The following MYO7B variants were observed in gnomAD, a reference collection of about 807,000 sequenced individuals.
MYO7B encodes myosin VIIB.
A neutral mutation model predicts 259.7 loss-of-function variants in MYO7B; 212 were observed. The observed-to-expected ratio is 0.82, with a 90% confidence interval of 0.73 to 0.91. The LOEUF is 0.91. Among genes scored for constraint, MYO7B ranks in the 40% least tolerant of loss-of-function variants. MYO7B has a pLI of 0.00. For synonymous variants in MYO7B, 1,197 were observed against 1,166.4 expected (o/e 1.03, Z -0.54); for missense variants, 2,732 against 2,813.5 (o/e 0.97, Z 0.66).
At chr2:127,635,306 G>A in intron 43 of MYO7B, 80 bp downstream of exon 43, 1 of 1,360,614 alleles carries the variant, frequency 7.3e-7, no homozygotes, top group Non-Finnish European at 1.0e-6. Context: ...GAAGCCAGCA[G>A]GCCAGGGCAG....
intron 1 of MYO7B, among the ~76,000 whole-genome samples, chr2:127,538,295 C>G (rs1473337853): frequency 6.6e-6 from 1 of 152,170 alleles, no homozygotes; most frequent in Non-Finnish European, 1.5e-5. Context: ...TGCTCTAGAA[C>G]GTTCCATGAT....
At position 127,581,966 on chromosome 2, in the gene MYO7B, C is replaced by T; in HGVS notation, c.1156C>T (p.Leu386=). The change falls in exon 11 of 48, where the codon CTG becomes TTG. Residue 386 remains leucine (L), a synonymous_variant. Coordinates refer to ENST00000409816, the MANE Select transcript of MYO7B (RefSeq NM_001393586.1). ...CCGAGGGGAATTTGTCACCAGGTCC[C>T]TGAACATTGCCCAGGCTGCTGACCG... ...LIRGEFVTRS[L]NIAQAADRRD... 6.2e-7 allele frequency: 1 copy of T among 1,613,964 alleles called. No individual in the cohort carries two copies. Among genetic ancestry groups the T allele is most frequent in the South Asian group, 1.1e-5 (1 of 91,080 alleles).
intron 1 of MYO7B, among the ~76,000 whole-genome samples, chr2:127,549,164 CT>C (rs1693354148): frequency 4.6e-4 from 3 of 6,568 alleles, no homozygotes; most frequent in Non-Finnish European, 8.7e-4. Context: ...TCCTTCCTTC[CT>C]TTCTTTCTTT....
At position 127,627,201 on chromosome 2, in the gene MYO7B, A is replaced by G. The variant is rs759049462; in HGVS notation, c.4351A>G (p.Thr1451Ala). ...CTGGCCAGGCCCCCGCCTGCCCAAG[A>G]CGCAGCTGATCTTGGCTGTTAACTG... ...ITLSGPRLPKTQLILAVNWKG... is the reference protein window; with the variant it reads ...ITLSGPRLPKAQLILAVNWKG... The change falls in exon 33 of 48, where the codon ACG becomes GCG. Residue 1451 changes from threonine (T) to alanine (A), a missense_variant. Thr to Ala is a moderately conservative substitution (Grantham distance 58). Coordinates refer to ENST00000409816, the MANE Select transcript of MYO7B (RefSeq NM_001393586.1). The surrounding 1 kb of genome is among the most constrained non-coding windows in gnomAD (Gnocchi z 5.6). 1 of 1,609,978 alleles carries G rather than the reference A, an allele frequency of 6.2e-7. No homozygotes were observed. The highest frequency in any genetic ancestry group is 2.2e-5 in the East Asian group (1 of 44,790).
chr2:127,630,663 C>T, intron 35 of MYO7B, 115 bp from the exon 36 acceptor site: 1 of 1,464,532 alleles, frequency 6.8e-7, no homozygotes, highest in Admixed American at 2.1e-5. Flanking sequence ...CTGGCCTGTT[C>T]AGCCCTGGGC....
chr2:127,568,474 G>A (rs1393217330), intron 5 of MYO7B, among the ~76,000 whole-genome samples: 1 of 152,210 alleles, frequency 6.6e-6, no homozygotes, highest in Non-Finnish European at 1.5e-5. Flanking sequence ...TGATGAGCTC[G>A]TGTTTATAAA....
chr2:127,620,491 C>A, intron 27 of MYO7B, 25 bp downstream of exon 27: 4 of 395,544 alleles, frequency 1.0e-5, no homozygotes, highest in Admixed American at 2.8e-5. Flanking sequence ...GAAGGGAGGG[C>A]GGGCAGGGGG....
chr2:127,565,270 G>T lies in MYO7B; in HGVS notation c.170G>T (p.Ser57Ile). ...WIRAEDFGVLSPMHPNSVQGV... is the reference protein window; with the variant it reads ...WIRAEDFGVLIPMHPNSVQGV... ...CGAGCAGAGGACTTTGGTGTCCTCA[G>T]TCCCATGCACCCCAACTCAGTCCAG... The change falls in exon 4 of 48, where the codon AGT becomes ATT. Residue 57 changes from serine to isoleucine, a missense_variant. Ser to Ile is a moderately radical substitution (Grantham distance 142). Around this residue, in one of 3 missense-constraint regions of MYO7B, gnomAD observed 1,906 missense variants for 2,026.4 expected, o/e 0.94. Transcript: ENST00000409816. 1 of 1,614,014 alleles carries T rather than the reference G, an allele frequency of 6.2e-7. No individual in the cohort carries two copies.
intron 17 of MYO7B, 24 bp from the exon 18 acceptor site, chr2:127,593,522 G>T (rs780955121): frequency 6.2e-7 from 1 of 1,608,450 alleles, no homozygotes; most frequent in Non-Finnish European, 8.5e-7. Context: ...ACCTCCCACC[G>T]ATACCCCCGT....
intron 34 of MYO7B, among the ~76,000 whole-genome samples, chr2:127,629,209 C>T (rs1163689016): frequency 2.0e-5 from 3 of 152,216 alleles, no homozygotes; most frequent in African/African-American, 4.8e-5. Context: ...CCGAGATGTG[C>T]TGCCCTATCG....
chr2:127,609,598 C>T lies in MYO7B; in HGVS notation c.2907C>T (p.Ala969=), dbSNP rs771507051. The part of the protein sequence containing the change: ...EEPEEDVDGL[A]EYTFPKFAVT... ...CTGAGGAGGATGTGGATGGCCTGGC[C>T]GAGTACACCTTCCCCAAGTTTGCTG... The change falls in exon 23 of 48, where the codon GCC becomes GCT. Residue 969 remains alanine (A), a synonymous_variant. Coordinates refer to ENST00000409816, the MANE Select transcript of MYO7B (RefSeq NM_001393586.1). The surrounding 1 kb of genome is among the most constrained non-coding windows in gnomAD (Gnocchi z 6.9). 6.0e-5 allele frequency: 97 copies of T among 1,613,862 alleles called. No individual in the cohort carries two copies. The highest frequency in any genetic ancestry group is 3.3e-4 in the South Asian group (30 of 91,082).
chr2:127,633,120 G>A (rs2105141022), intron 39 of MYO7B, 138 bp from the exon 40 acceptor site: 2 of 657,996 alleles, frequency 3.0e-6, no homozygotes, highest in East Asian at 5.6e-5. Context: ...GGACATGCGA[G>A]GGGCTGGAAC....
At chr2:127,568,120 G>C (rs935584830) in intron 5 of MYO7B, among the ~76,000 whole-genome samples, 1 of 152,240 alleles carries the variant, frequency 6.6e-6, no homozygotes. Context: ...ACACAGCAGT[G>C]AAGTGGGAAA....
In MYO7B at chr2:127,582,025, G is replaced by C. The variant is rs768291946; in HGVS notation, c.1200+15G>C. 7 of 1,613,514 alleles carry C rather than the reference G, an allele frequency of 4.3e-6. No individual in the cohort carries two copies. Among genetic ancestry groups the C allele is most frequent in the South Asian group, 3.3e-5 (3 of 91,040 alleles). On this transcript the variant is annotated intron_variant, in intron 11 of 47. Coordinates refer to ENST00000409816, the MANE Select transcript of MYO7B (RefSeq NM_001393586.1). ...CCTTTGTCAAGGTACAGAGCTGAGA[G>C]AGCAGGGCTTACATGGCCATCTGTT...
chr2:127,626,702 T>C, intron 31 of MYO7B: 2 of 323,886 alleles, frequency 6.2e-6, no homozygotes, highest in South Asian at 7.5e-5. Flanking sequence ...TCGCTTGAAC[T>C]CGGGAGGCGG....
At chr2:127,557,876 A>G (rs1050343526) in intron 1 of MYO7B, among the ~76,000 whole-genome samples, 14 of 152,234 alleles carry the variant, frequency 9.2e-5, no homozygotes, top group African/African-American at 3.4e-4. Flanking sequence ...TCTAAGACCT[A>G]AAACTATAAA....
intron 9 of MYO7B, among the ~76,000 whole-genome samples, chr2:127,580,341 C>T (rs1679051053): frequency 6.6e-6 from 1 of 152,168 alleles, no homozygotes; most frequent in Admixed American, 6.5e-5. Context: ...GCTTTGCTTC[C>T]TGTGACTGAA....
At chr2:127,600,332 A>G (rs1206727321) in intron 19 of MYO7B, among the ~76,000 whole-genome samples, 3 of 152,178 alleles carry the variant, frequency 2.0e-5, no homozygotes, top group Non-Finnish European at 4.4e-5. Flanking sequence ...CAGACTCTGT[A>G]ATGATATCCC....
In MYO7B at chr2:127,633,250, C is replaced by T; in HGVS notation, c.5406-8C>T. 1 of 1,603,448 alleles carries T rather than the reference C, an allele frequency of 6.2e-7. No homozygotes were observed. Among genetic ancestry groups the T allele is most frequent in the Non-Finnish European group, 8.5e-7 (1 of 1,175,268 alleles). On this transcript the variant is annotated splice_region_variant and splice_polypyrimidine_tract_variant and intron_variant, in intron 39 of 47. Coordinates refer to ENST00000409816, the MANE Select transcript of MYO7B (RefSeq NM_001393586.1). ...GGTGGCACCTGCAGCACACGCTGTC[C>T]CCCTCAGGACGGGGCCCCGGAAGCA...
Sources: gnomAD v4.1 joint callset for allele counts (sites outside exome capture counted in the v4.1 genomes callset) on GRCh38, gnomAD v4.1.1 for gene constraint, gnomAD v4.1.1 regional missense constraint, Gnocchi (gnomAD v3.1) non-coding constraint, MANE v1.5 for transcripts, NCBI Gene and HGNC (gene_info 2026-07-23, HGNC 2026-07-21) for gene names.